The following MGAM variants were observed in gnomAD, a reference collection of about 807,000 sequenced individuals.
MGAM encodes alpha-1,4-glucosidase.
A neutral mutation model predicts 358.8 loss-of-function variants in MGAM; 253 were observed. That is an observed-to-expected ratio of 0.71 (90% CI 0.64 to 0.78). The LOEUF (loss-of-function observed/expected upper bound fraction) is 0.78. MGAM is among the 30% of genes least tolerant of loss of function. The pLI is 0.00. For missense variants in MGAM, 3,080 were observed against 3,432.6 expected, an observed-to-expected ratio of 0.90 and a Z score of 2.57; for synonymous variants, 1,105 against 1,227.1, an observed-to-expected ratio of 0.90 and a Z score of 2.08.
upstream of MGAM, among the ~76,000 whole-genome samples, chr7:141,991,719 G>A (rs1312785221): frequency 6.6e-6 from 1 of 152,150 alleles, no homozygotes; most frequent in Non-Finnish European, 1.5e-5. Context: ...ACAGGCGTGA[G>A]CCACCACACC....
chr7:142,098,659 C>T (rs1585112734), intron 66 of MGAM, among the ~76,000 whole-genome samples: 1 of 152,132 alleles, frequency 6.6e-6, no homozygotes, highest in Non-Finnish European at 1.5e-5. Context: ...CATGTTAAGG[C>T]TCTGCTATGT....
chr7:142,072,355 T>C (rs1473433340), intron 44 of MGAM, among the ~76,000 whole-genome samples: 1 of 146,310 alleles, frequency 6.8e-6, no homozygotes, highest in Admixed American at 6.9e-5. Flanking sequence ...CTGTGCCTGG[T>C]GTATTCTTAA....
At chr7:142,057,674 T>G (rs73153973) in intron 30 of MGAM, among the ~76,000 whole-genome samples, 50,322 of 151,564 alleles carry the variant, frequency 0.33, 8,855 homozygotes, top group Admixed American at 0.39. Context: ...ATGATGGTGA[T>G]GATGACCATG....
In MGAM at chr7:142,008,601, C is replaced by A. The variant is rs200220205; in HGVS notation, c.223C>A (p.Pro75Thr). Residue 75 changes from proline to threonine, a missense_variant, in exon 3 of 71, where the codon CCC (proline) becomes ACC (threonine). Pro to Thr is a conservative substitution (Grantham distance 38). This residue lies in a region of MGAM where 1,816 missense variants were observed against 1,840.5 expected (regional missense o/e 0.99). Coordinates refer to ENST00000475668, the MANE Select transcript of MGAM (RefSeq NM_001365693.1). Reference protein sequence around the residue: ...TGTTHARTTGPPDPGTTGTTP... With the variant: ...TGTTHARTTGTPDPGTTGTTP... The stretch of plus-strand genomic sequence containing the variant: ...TACCACACATGCTAGGACAACGGGT[C>A]CCCCAGATCCTGGAACAACTGGTAC... 2.1e-4 allele frequency: 335 copies of A among 1,613,038 alleles called. 1 individual carries two copies. Among genetic ancestry groups the A allele is most frequent in the Middle Eastern group, 1.7e-3 (10 of 6,058 alleles).
chr7:141,996,926 G>C (rs376318370), intron 1 of MGAM, among the ~76,000 whole-genome samples: 1 of 151,926 alleles, frequency 6.6e-6, no homozygotes, highest in Admixed American at 6.6e-5. Context: ...AGTGCTCGTG[G>C]GAAGAGGAGA....
chr7:142,074,114 C>A lies in MGAM; in HGVS notation c.5216C>A (p.Ala1739Asp). 7 of 1,544,298 alleles carry A rather than the reference C, an allele frequency of 4.5e-6. No homozygotes were observed. The highest frequency in any genetic ancestry group is 4.4e-6 in the Non-Finnish European group (5 of 1,125,586). The change falls in exon 45 of 71, where the codon GCC becomes GAC. Residue 1739 changes from alanine to aspartate, a missense_variant. Around this residue, in one of 5 missense-constraint regions of MGAM, gnomAD observed 932 missense variants for 1,198.2 expected, o/e 0.78. Transcript: ENST00000475668. Reference sequence around the variant, plus strand: ...AAGAACCCTCTTGGTCTTATTATTGCCCTAGATGAAAACAAAGAAGCAAAA... The same window carrying A: ...AAGAACCCTCTTGGTCTTATTATTGACCTAGATGAAAACAAAGAAGCAAAA... ...SRKNPLGLII[A>D]LDENKEAKGE...
chr7:142,001,432 G>T lies in MGAM; in HGVS notation c.-2-4097G>T, dbSNP rs117318323. On this transcript the variant is annotated intron_variant, in intron 1 of 70. Coordinates refer to ENST00000475668, the MANE Select transcript of MGAM (RefSeq NM_001365693.1). ...CATTGATTGGGTGGAGAATGAGACCGCAAGGAAATATCAAACAATTCCTAA... is the reference window on the plus strand; with the variant it reads ...CATTGATTGGGTGGAGAATGAGACCTCAAGGAAATATCAAACAATTCCTAA... Among the ~76,000 whole-genome samples, 1,091 of 152,240 alleles carry T rather than the reference G, an allele frequency of 7.2e-3. 4 individuals are homozygous for T. Among genetic ancestry groups the T allele is most frequent in the Middle Eastern group, 0.014 (4 of 294 alleles).
chr7:142,045,282 TATATG>T (rs1810030843), intron 21 of MGAM, among the ~76,000 whole-genome samples: 1 of 107,954 alleles, frequency 9.3e-6, no homozygotes, highest in African/African-American at 3.9e-5. Context: ...ATACCTATAA[TATATG>T]ATATATAATA....
chr7:142,074,062 CT>C lies in MGAM; in HGVS notation c.5187-22del, dbSNP rs751327391. The C allele has an allele frequency of 5.4e-6, 8 of 1,472,666 alleles. No homozygotes were observed. In the South Asian group the frequency reaches 9.2e-5, roughly 17 times the overall value. The allele number at this position is 1,472,666 out of a possible 1,614,324, so 91.2% of individuals were successfully genotyped here. On this transcript the variant is annotated intron_variant, in intron 44 of 70. Coordinates refer to ENST00000475668, the MANE Select transcript of MGAM (RefSeq NM_001365693.1). ...AAAATTGTCTGACTCCTGTCTTTGT[CT>C]CTTGAATCTTGTTCCCCACAGTCGA... is the stretch of plus-strand genomic sequence containing the variant.
intron 21 of MGAM, among the ~76,000 whole-genome samples, chr7:142,046,183 T>G (rs1356342674): frequency 6.7e-6 from 1 of 148,392 alleles, no homozygotes; most frequent in Non-Finnish European, 1.5e-5. Context: ...TTTTGTTTTT[T>G]GCTCCTTAGA....
At chr7:142,022,536 T>C in intron 7 of MGAM, 97 bp downstream of exon 7, 2 of 1,307,984 alleles carry the variant, frequency 1.5e-6, no homozygotes, top group East Asian at 2.6e-5. Context: ...AGTTAGAGTC[T>C]AGAGTGAGAC....
chr7:141,992,686 A>G (rs1803998198), upstream of MGAM, among the ~76,000 whole-genome samples: 1 of 152,114 alleles, frequency 6.6e-6, no homozygotes, highest in African/African-American at 2.4e-5. Context: ...GGCTCAGGTG[A>G]TACTCCCACT....
At chr7:142,052,192 C>G in intron 24 of MGAM, 102 bp from the exon 25 acceptor site, 1 of 984,668 alleles carries the variant, frequency 1.0e-6, no homozygotes, top group South Asian at 1.8e-5. Flanking sequence ...GTTTGAAAGT[C>G]TGGTCTAATT....
In MGAM at chr7:142,041,247, C is replaced by CA. The variant is rs1213152631; in HGVS notation, c.2498+408dup. On this transcript the variant is annotated intron_variant, in intron 21 of 70. Transcript: ENST00000475668. ...ATTTTCCTTTATATGTAATTGATTC[C>CA]AAAAAAATAGATTCCATCTGTACTA... Among the ~76,000 whole-genome samples, 11 of 151,976 alleles carry CA rather than the reference C, an allele frequency of 7.2e-5. No homozygotes were observed. The East Asian group carries it at 1.7e-3, about 24-fold the overall frequency.
At chr7:142,022,229 G>C in intron 6 of MGAM, 39 bp from the exon 7 acceptor site, 2 of 1,558,672 alleles carry the variant, frequency 1.3e-6, no homozygotes, top group South Asian at 1.2e-5. Flanking sequence ...TCTCCACCCT[G>C]CTTGCTCACC....
At chr7:142,036,717 A>C (rs1181608099) in intron 17 of MGAM, 106 bp from the exon 18 acceptor site, 1 of 1,287,548 alleles carries the variant, frequency 7.8e-7, no homozygotes, top group Non-Finnish European at 1.1e-6. Flanking sequence ...GGCCTCTGTC[A>C]TTCAGGAGGG....
rs1486950216 is a variant in MGAM at position 142,067,513 on chromosome 7, G to T, written c.5004+88G>T. On this transcript the variant is annotated intron_variant, in intron 42 of 70. Transcript: ENST00000475668. Reference sequence around the variant, plus strand: ...GGAGAAGAGGCCTGAGCTGGTGGGGGTCCTGAGACATGGTTTCTTATTCTA... The same window carrying T: ...GGAGAAGAGGCCTGAGCTGGTGGGGTTCCTGAGACATGGTTTCTTATTCTA... The T allele has an allele frequency of 5.0e-5, 57 of 1,133,594 alleles. 4 individuals are homozygous for T. In the East Asian group the frequency reaches 1.5e-3, roughly 30 times the overall value. 70.2% of individuals were successfully genotyped at this position (1,133,594 alleles called of 1,614,324 possible).
chr7:142,101,392 T>C (rs973208422), intron 68 of MGAM, among the ~76,000 whole-genome samples: 1 of 151,538 alleles, frequency 6.6e-6, no homozygotes, highest in Non-Finnish European at 1.5e-5. Context: ...GACAATGTTC[T>C]ATATCTTCTG....
rs574663869 is a variant in MGAM, at chr7:142,008,543, G to A, written c.165G>A (p.Gly55=). 3.7e-6 allele frequency: 6 copies of A among 1,611,982 alleles called. No homozygotes were observed. Among genetic ancestry groups the A allele is most frequent in the Non-Finnish European group, 2.5e-6 (3 of 1,178,930 alleles). Reference sequence around the variant, plus strand: ...GGACAACTGGTACCCCAGATCCTGGGACAACTGGTACCCCAGATCCTGGAA... The same window carrying A: ...GGACAACTGGTACCCCAGATCCTGGAACAACTGGTACCCCAGATCCTGGAA... ...DPGTTGTPDP[G]TTGTPDPGTT... is the part of the protein sequence containing the mutation. Residue 55 remains glycine (G), a synonymous_variant, in exon 3 of 71, where the codon GGG becomes GGA. Coordinates refer to ENST00000475668, the MANE Select transcript of MGAM (RefSeq NM_001365693.1).
Sources: allele counts gnomAD v4.1 joint callset (sites outside exome capture counted in the v4.1 genomes callset), GRCh38; gene constraint gnomAD v4.1.1; regional missense constraint gnomAD v4.1.1; transcripts MANE v1.5; gene names NCBI Gene and HGNC (gene_info 2026-07-23, HGNC 2026-07-21).